Variants in PTPRK observed in about 807,000 individuals in gnomAD.
PTPRK encodes receptor-type tyrosine-protein phosphatase kappa.
Under a neutral mutation model 178.0 loss-of-function variants are expected in PTPRK, and 75 were observed. The ratio of observed to expected loss-of-function variants is 0.42; its 90% CI spans 0.35 to 0.51. PTPRK has a LOEUF of 0.51. PTPRK is among the 20% of genes least tolerant of loss of function. The pLI, the probability that PTPRK is intolerant of heterozygous loss-of-function variation, is 0.02. For synonymous variants in PTPRK, 637 were observed against 620.6 expected, an observed-to-expected ratio of 1.03 and a Z score of -0.39; for missense variants, 1,441 against 1,797.8, an observed-to-expected ratio of 0.80 and a Z score of 3.59.
At position 128,029,980 on chromosome 6, in the gene PTPRK, A is replaced by G. The variant is rs573011239; in HGVS notation, c.2195-20712T>C. On this transcript the variant is annotated intron_variant, in intron 13 of 29. Transcript: ENST00000368226. Reference sequence around the variant, plus strand: ...GAAAGTAGGGTAGGAAAGGGAAAGCAGCTAAGTGAGAATGTGGTATTAGCA... The same window carrying G: ...GAAAGTAGGGTAGGAAAGGGAAAGCGGCTAAGTGAGAATGTGGTATTAGCA... Among the ~76,000 whole-genome samples the G allele has an allele frequency of 1.9e-4, 29 of 152,278 alleles. No individual in the cohort carries two copies. In the South Asian group the frequency reaches 5.6e-3, roughly 29 times the overall value.
chr6:128,432,983 C>T (rs1845033340), intron 1 of PTPRK, among the ~76,000 whole-genome samples: 1 of 151,936 alleles, frequency 6.6e-6, no homozygotes, highest in African/African-American at 2.4e-5. Context: ...TTCCCTTTAA[C>T]TATTTGTATC....
At chr6:128,254,598 T>G (rs1482751561) in intron 3 of PTPRK, among the ~76,000 whole-genome samples, 1 of 152,206 alleles carries the variant, frequency 6.6e-6, no homozygotes, top group Non-Finnish European at 1.5e-5. Flanking sequence ...TGAACTCAAA[T>G]TTTTGACGAT....
At chr6:128,464,655 A>ATATATATATATATATATATATG (rs1849596866) in intron 1 of PTPRK, among the ~76,000 whole-genome samples, 1 of 105,856 alleles carries the variant, frequency 9.4e-6, no homozygotes, top group Non-Finnish European at 1.9e-5. Flanking sequence ...ATATATATAT[A>ATATATATATATATATATATATG]TATATATATA....
At chr6:128,162,763 T>C (rs1332667686) in intron 7 of PTPRK, among the ~76,000 whole-genome samples, 1 of 151,648 alleles carries the variant, frequency 6.6e-6, no homozygotes, top group African/African-American at 2.4e-5. Flanking sequence ...TCAGAGACGG[T>C]AGTCAAATAC....
At chr6:128,061,806 C>T (rs753214011) in intron 13 of PTPRK, among the ~76,000 whole-genome samples, 9 of 152,154 alleles carry the variant, frequency 5.9e-5, no homozygotes, top group Non-Finnish European at 1.2e-4. Flanking sequence ...ATTCTCAGTG[C>T]TGTTTCTAAC....
intron 3 of PTPRK, among the ~76,000 whole-genome samples, chr6:128,301,709 A>G (rs1442164476): frequency 1.3e-5 from 2 of 152,166 alleles, no homozygotes; most frequent in Non-Finnish European, 2.9e-5. Flanking sequence ...CATATACTAA[A>G]TGAATATATG....
intron 15 of PTPRK, 68 bp from the exon 16 acceptor site, chr6:127,998,972 T>C (rs931079862): frequency 1.5e-6 from 2 of 1,319,462 alleles, no homozygotes; most frequent in Middle Eastern, 2.0e-4. Flanking sequence ...TATGTATCTA[T>C]GCAATGAAGA....
chr6:128,126,151 C>T (rs1317728493), intron 7 of PTPRK, among the ~76,000 whole-genome samples: 1 of 151,554 alleles, frequency 6.6e-6, no homozygotes, highest in Admixed American at 6.6e-5. Context: ...CTGCACCTAT[C>T]AACCCGTCAT....
chr6:128,320,888 C>T (rs1828693796), intron 3 of PTPRK, among the ~76,000 whole-genome samples: 1 of 152,130 alleles, frequency 6.6e-6, no homozygotes, highest in Non-Finnish European at 1.5e-5. Context: ...GAGAAATATC[C>T]TTATGCTCCG....
At chr6:128,172,608 T>C (rs1800438395) in intron 7 of PTPRK, among the ~76,000 whole-genome samples, 1 of 151,678 alleles carries the variant, frequency 6.6e-6, no homozygotes, top group Non-Finnish European at 1.5e-5. Context: ...AATACTGATA[T>C]GTAGATATAT....
intron 7 of PTPRK, among the ~76,000 whole-genome samples, chr6:128,155,129 TG>T (rs1797787513): frequency 6.6e-6 from 1 of 151,802 alleles, no homozygotes; most frequent in Non-Finnish European, 1.5e-5. Flanking sequence ...TAGATTTCTT[TG>T]CTTAGTATTA....
Position 127,992,555 on chromosome 6 carries a change from A to G in PTPRK, c.2881+118T>C, listed in dbSNP as rs551068594. 6.8e-4 allele frequency: 506 copies of G among 749,388 alleles called. 1 individual carries two copies. Among genetic ancestry groups the G allele is most frequent in the Non-Finnish European group, 1.0e-3 (467 of 453,448 alleles). 46.4% of individuals were successfully genotyped at this position (749,388 alleles called of 1,614,324 possible). ...ATACAAATGAGTAAGGAGCAGTGTT[A>G]ATCAGAAGGGCTGATTTTTTTGTTA... On this transcript the variant is annotated intron_variant, in intron 19 of 29. Transcript: ENST00000368226.
At chr6:128,392,807 T>G (rs1839783200) in intron 2 of PTPRK, among the ~76,000 whole-genome samples, 1 of 152,110 alleles carries the variant, frequency 6.6e-6, no homozygotes, top group South Asian at 2.1e-4. Flanking sequence ...TAACAACATT[T>G]AAGTGTATCC....
chr6:128,436,346 C>A (rs757041709), intron 1 of PTPRK, among the ~76,000 whole-genome samples: 6 of 152,134 alleles, frequency 3.9e-5, no homozygotes, highest in Non-Finnish European at 8.8e-5. Flanking sequence ...CCTAATGGAG[C>A]TTAAAGAAAA....
intron 7 of PTPRK, among the ~76,000 whole-genome samples, chr6:128,108,347 C>T (rs564136186): frequency 6.3e-4 from 96 of 152,012 alleles, no homozygotes; most frequent in Admixed American, 1.4e-3. Flanking sequence ...TTGATTGTAC[C>T]TAGTGCAGAA....
At chr6:128,378,176 A>AAAAC (rs1837370251) in intron 2 of PTPRK, among the ~76,000 whole-genome samples, 1 of 152,158 alleles carries the variant, frequency 6.6e-6, no homozygotes, top group Non-Finnish European at 1.5e-5. Context: ...TATGAACTAG[A>AAAAC]AAACAAATAT....
chr6:128,341,742 C>T (rs572099290), intron 2 of PTPRK, among the ~76,000 whole-genome samples: 9 of 152,232 alleles, frequency 5.9e-5, no homozygotes, highest in African/African-American at 2.2e-4. Context: ...AAGTTGATTA[C>T]CAGAAAGCTT....
At chr6:128,256,971 C>T (rs1381936674) in intron 3 of PTPRK, among the ~76,000 whole-genome samples, 1 of 151,776 alleles carries the variant, frequency 6.6e-6, no homozygotes, top group Admixed American at 6.6e-5. Context: ...TGGCTCATGC[C>T]TGTAATCCCA....
At chr6:128,476,405 A>G (rs552127022) in intron 1 of PTPRK, among the ~76,000 whole-genome samples, 5 of 152,200 alleles carry the variant, frequency 3.3e-5, no homozygotes, top group African/African-American at 1.2e-4. Flanking sequence ...AATATTTAAG[A>G]AAACAAACAA....
Sources: allele counts gnomAD v4.1 joint callset (sites outside exome capture counted in the v4.1 genomes callset), GRCh38; gene constraint gnomAD v4.1.1; transcripts MANE v1.5; gene names NCBI Gene and HGNC (gene_info 2026-07-23, HGNC 2026-07-21).